CLN8: variants seen among roughly 807,000 people sequenced by gnomAD.
CLN8 encodes protein CLN8.
CLN8 carries 14 observed loss-of-function variants against 15.7 expected under a neutral mutation model. The observed-to-expected ratio is 0.89, with a 90% confidence interval of 0.59 to 1.39. CLN8 has a LOEUF of 1.39. Ranked by LOEUF, CLN8 falls within the 40% of genes most tolerant of loss-of-function variation. The probability of loss-of-function intolerance (pLI) is 0.00; values close to 1 mark genes in which losing one functional copy is unlikely to be tolerated. For synonymous variants in CLN8, 188 were observed against 151.0 expected (o/e 1.25, Z -1.80); for missense variants, 415 against 364.0 (o/e 1.14, Z -1.14).
chr8:1,758,805 G>A (rs55911515), upstream of CLN8: 1 of 152,126 alleles, frequency 6.6e-6, no homozygotes, highest in African/African-American at 2.4e-5. Context: ...TCTGGGTTAC[G>A]ATAAAGGTTG....
intron 2 of CLN8, among the ~76,000 whole-genome samples, chr8:1,779,819 C>T (rs1048409277): frequency 6.6e-6 from 1 of 152,186 alleles, no homozygotes; most frequent in African/African-American, 2.4e-5. Flanking sequence ...TGGGGCCTTA[C>T]CCCCATGACC....
rs141692105 is a variant in CLN8, at chr8:1,765,591, A to G, written c.-124+1706A>G. On this transcript the variant is annotated intron_variant, in intron 1 of 2. Transcript: ENST00000331222. ...AATAGCTCTTGTCAGGTTATATTTC[A>G]GTCATTAATGCAGTATACAGCAGGA... 3.1e-3 allele frequency among the ~76,000 whole-genome samples: 474 copies of G among 152,334 alleles called. 6 individuals are homozygous for G. Among genetic ancestry groups the G allele is most frequent in the African/African-American group, 0.011 (459 of 41,568 alleles).
chr8:1,780,199 G>T (rs1263371408), intron 2 of CLN8, 51 bp from the exon 3 acceptor site: 2 of 1,614,088 alleles, frequency 1.2e-6, no homozygotes, highest in East Asian at 2.2e-5. Flanking sequence ...TGTGAAGAAT[G>T]AATTTTGGCA....
intron 2 of CLN8, among the ~76,000 whole-genome samples, chr8:1,777,223 A>G (rs1184349479): frequency 6.6e-6 from 1 of 152,202 alleles, no homozygotes; most frequent in Non-Finnish European, 1.5e-5. Flanking sequence ...GTATCTAAAC[A>G]TACCTAAACA....
upstream of CLN8, among the ~76,000 whole-genome samples, chr8:1,753,107 C>T (rs1452001908): frequency 6.6e-6 from 1 of 152,196 alleles, no homozygotes; most frequent in Non-Finnish European, 1.5e-5. Flanking sequence ...ATCTCCTCAT[C>T]AGCAAGGTAC....
upstream of CLN8, chr8:1,763,150 G>A (rs1446038553): frequency 6.6e-6 from 1 of 151,924 alleles, no homozygotes; most frequent in Non-Finnish European, 1.5e-5. Context: ...CCCCGGGGAG[G>A]CTCCGGCTCC....
chr8:1,780,429 T>A lies in CLN8; in HGVS notation c.723T>A (p.Leu241=). Residue 241 remains leucine (L), a synonymous_variant, in exon 3 of 3, where the codon CTT becomes CTA. Coordinates refer to ENST00000331222, the MANE Select transcript of CLN8 (RefSeq NM_018941.4). The part of the protein sequence containing the change: ...LTLFLVGLAL[L]TLIINPYWTH... ...TGTTCCTTGTCGGACTGGCTCTGCT[T>A]ACGCTAATCATTAATCCATATTGGA... is the stretch of plus-strand genomic sequence containing the variant. 1.9e-6 allele frequency: 3 copies of A among 1,614,238 alleles called. No individual in the cohort carries two copies. Among genetic ancestry groups the A allele is most frequent in the East Asian group, 2.2e-5 (1 of 44,880 alleles).
intron 2 of CLN8, among the ~76,000 whole-genome samples, chr8:1,776,560 C>T (rs1801524939): frequency 6.6e-6 from 1 of 151,606 alleles, no homozygotes; most frequent in South Asian, 2.1e-4. Flanking sequence ...GGAATCTGGA[C>T]TCTGTGAGGG....
intron 2 of CLN8, among the ~76,000 whole-genome samples, chr8:1,778,041 C>A (rs1426224491): frequency 6.6e-6 from 1 of 152,198 alleles, no homozygotes; most frequent in Non-Finnish European, 1.5e-5. Context: ...TGGGTGTGGG[C>A]CCACCTGGTA....
At chr8:1,765,525 A>G (rs1483913614) in intron 1 of CLN8, among the ~76,000 whole-genome samples, 3 of 152,224 alleles carry the variant, frequency 2.0e-5, no homozygotes, top group Admixed American at 6.5e-5. Context: ...CAACCCATCA[A>G]TGTATAATTT....
chr8:1,770,901 G>T, intron 1 of CLN8, 31 bp from the exon 2 acceptor site: 1 of 709,212 alleles, frequency 1.4e-6, no homozygotes. Context: ...TTTCTATCGA[G>T]TCAACACAAA....
chr8:1,772,379 G>C (rs1354434054), intron 2 of CLN8, among the ~76,000 whole-genome samples: 4 of 152,146 alleles, frequency 2.6e-5, no homozygotes, highest in Non-Finnish European at 5.9e-5. Flanking sequence ...CTTTCTTTCT[G>C]TTTTTGAAGA....
At chr8:1,768,189 C>A (rs540228096) in intron 1 of CLN8, among the ~76,000 whole-genome samples, 1 of 152,092 alleles carries the variant, frequency 6.6e-6, no homozygotes, top group South Asian at 2.1e-4. Context: ...AGTGATTCAC[C>A]CACCTTGGCT....
upstream of CLN8, among the ~76,000 whole-genome samples, chr8:1,754,746 A>G (rs185982775): frequency 5.6e-4 from 86 of 152,336 alleles, 1 homozygote; most frequent in East Asian, 0.014. Context: ...AGCCGTCTGT[A>G]GACATCCCAA....
At chr8:1,773,771 C>T (rs903175088) in intron 2 of CLN8, 1 of 152,154 alleles carries the variant, frequency 6.6e-6, no homozygotes, top group Non-Finnish European at 1.5e-5. Flanking sequence ...ATTGCCTACT[C>T]CTCTCACCTG....
chr8:1,761,791 T>G (rs1228546985), upstream of CLN8, among the ~76,000 whole-genome samples: 2 of 152,256 alleles, frequency 1.3e-5, no homozygotes, highest in Non-Finnish European at 2.9e-5. Context: ...TTTATCCATC[T>G]GGATGGTCCC....
chr8:1,777,965 G>A (rs925478427), intron 2 of CLN8, among the ~76,000 whole-genome samples: 7 of 152,236 alleles, frequency 4.6e-5, no homozygotes, highest in African/African-American at 1.4e-4. Flanking sequence ...TACACTGTGC[G>A]TTGTTGACTG....
Position 1,771,162 on chromosome 8 carries a change from G to C in CLN8, c.108G>C (p.Leu36Phe), listed in dbSNP as rs746677418. ...TLMVAGFVFY[L>F]GVFVVCHQLS... ...TGGTCGCTGGCTTTGTCTTCTACTT[G>C]GGCGTCTTTGTGGTCTGCCACCAGC... Residue 36 changes from leucine to phenylalanine, a missense_variant, in exon 2 of 3, where the codon TTG (leucine) becomes TTC (phenylalanine). Transcript: ENST00000331222. 9 of 1,613,910 alleles carry C rather than the reference G, an allele frequency of 5.6e-6. No individual in the cohort carries two copies. The African/African-American group carries it at 8.0e-5, about 14-fold the overall frequency.
upstream of CLN8, chr8:1,760,534 T>G (rs952738406): frequency 4.6e-5 from 7 of 152,190 alleles, no homozygotes; most frequent in African/African-American, 1.7e-4. Flanking sequence ...TCACTCTGCT[T>G]TAAAGATGGC....
Sources: gnomAD v4.1 joint callset for allele counts (sites outside exome capture counted in the v4.1 genomes callset) on GRCh38, gnomAD v4.1.1 for gene constraint, MANE v1.5 for transcripts, NCBI Gene and HGNC (gene_info 2026-07-23, HGNC 2026-07-21) for gene names.